Variants in TRIM2 observed in about 807,000 individuals in gnomAD.
TRIM2 encodes the protein tripartite motif-containing protein 2.
A neutral mutation model predicts 75.2 loss-of-function variants in TRIM2; 20 were observed. The ratio of observed to expected loss-of-function variants is 0.27; its 90% CI spans 0.19 to 0.39. The LOEUF is 0.39. TRIM2 is among the 10% of genes least tolerant of loss of function. The pLI is 1.00. For missense variants in TRIM2, 660 were observed against 990.8 expected, an observed-to-expected ratio of 0.67 and a Z score of 4.48; for synonymous variants, 373 against 388.3, an observed-to-expected ratio of 0.96 and a Z score of 0.46.
intron 6 of TRIM2, chr4:153,308,149 T>A: frequency 8.3e-7 from 1 of 1,201,496 alleles, no homozygotes; most frequent in Non-Finnish European, 1.2e-6. Context: ...TCAGTTCCTT[T>A]CCTCTTCACC....
Position 153,339,182 on chromosome 4 carries a change from C to A in TRIM2, c.*4216C>A. The A allele has an allele frequency of 1.0e-6, 1 of 985,802 alleles. No homozygotes were observed. The highest frequency in any genetic ancestry group is 1.2e-6 in the Non-Finnish European group (1 of 829,898). 61.1% of individuals were successfully genotyped at this position (985,802 alleles called of 1,614,324 possible). A position where few individuals can be genotyped will look rare whatever the true frequency, so the allele number is the denominator to read the frequency against. On this transcript the variant is annotated 3_prime_UTR_variant, in exon 12 of 12. Transcript: ENST00000338700. ...TATGTTCGTAGCTACATACGTACCA[C>A]AGTATTTTGGATGCTTTAGTCTACA...
At chr4:153,297,687 C>T (rs566642215) in intron 6 of TRIM2, among the ~76,000 whole-genome samples, 19 of 152,286 alleles carry the variant, frequency 1.2e-4, no homozygotes, top group African/African-American at 4.6e-4. Flanking sequence ...AGTCTACTCC[C>T]CTAGGCCATG....
chr4:153,300,669 C>T (rs1283855548), intron 6 of TRIM2, among the ~76,000 whole-genome samples: 1 of 151,988 alleles, frequency 6.6e-6, no homozygotes, highest in Non-Finnish European at 1.5e-5. Flanking sequence ...AGACTACAGG[C>T]ACGCACTAGC....
chr4:153,285,701 C>G (rs1760453332), intron 3 of TRIM2, among the ~76,000 whole-genome samples: 1 of 151,886 alleles, frequency 6.6e-6, no homozygotes, highest in South Asian at 2.1e-4. Flanking sequence ...GTTTGTTAAT[C>G]TTGTATCCTG....
Position 153,295,738 on chromosome 4 carries a change from A to C in TRIM2, c.1212A>C (p.Ala404=), listed in dbSNP as rs1203709630. 6.2e-7 allele frequency: 1 copy of C among 1,613,942 alleles called. No homozygotes were observed. The highest frequency in any genetic ancestry group is 8.5e-7 in the Non-Finnish European group (1 of 1,179,976). Residue 404 remains alanine (A), a synonymous_variant, in exon 6 of 12, where the codon GCA becomes GCC. Transcript: ENST00000338700. The surrounding 1 kb of genome is among the most constrained non-coding windows in gnomAD (Gnocchi z 7.2). ...AELSTPDGSV[A]DGEILDNKNG... ...TGAGCACCCCCGACGGGAGCGTGGCAGACGGGGAGATCCTGGACAACAAGA... is the reference window on the plus strand; with the variant it reads ...TGAGCACCCCCGACGGGAGCGTGGCCGACGGGGAGATCCTGGACAACAAGA...
intron 1 of TRIM2, among the ~76,000 whole-genome samples, chr4:153,239,317 A>G (rs1227950693): frequency 6.7e-6 from 1 of 149,716 alleles, no homozygotes; most frequent in East Asian, 2.0e-4. Flanking sequence ...GTGCCACTGC[A>G]CTCCAGCCTA....
intron 1 of TRIM2, among the ~76,000 whole-genome samples, chr4:153,236,597 C>T (rs4696174): frequency 0.99 from 151,496 of 152,324 alleles, 75,338 homozygotes; most frequent in Middle Eastern, 1. Context: ...GTCCTTTATA[C>T]AGCAGTTTCT....
At chr4:153,303,555 T>A (rs1764383349) in intron 6 of TRIM2, among the ~76,000 whole-genome samples, 1 of 152,164 alleles carries the variant, frequency 6.6e-6, no homozygotes, top group Admixed American at 6.5e-5. Flanking sequence ...AGAACATTTA[T>A]GAATTGAATA....
chr4:153,306,698 A>G (rs1310095114), intron 6 of TRIM2, among the ~76,000 whole-genome samples: 1 of 152,234 alleles, frequency 6.6e-6, no homozygotes, highest in African/African-American at 2.4e-5. Context: ...ATAACCCTAC[A>G]GCATCATATT....
intron 1 of TRIM2, among the ~76,000 whole-genome samples, chr4:153,190,006 T>C (rs949619687): frequency 2.6e-5 from 4 of 152,186 alleles, no homozygotes; most frequent in Admixed American, 2.0e-4. Flanking sequence ...ATCAAATCCA[T>C]CTTGGAAGGG....
intron 6 of TRIM2, among the ~76,000 whole-genome samples, chr4:153,300,830 T>C (rs1763741201): frequency 6.6e-6 from 1 of 152,134 alleles, no homozygotes; most frequent in African/African-American, 2.4e-5. Flanking sequence ...CATTTGTATG[T>C]CTTCTTTTGA....
intron 11 of TRIM2, 113 bp from the exon 12 acceptor site, chr4:153,334,701 G>C: frequency 9.3e-7 from 1 of 1,072,770 alleles, no homozygotes. Flanking sequence ...GTGAGACCCT[G>C]TCAAAAAGAA....
intron 1 of TRIM2, among the ~76,000 whole-genome samples, chr4:153,261,731 G>T (rs1264222707): frequency 6.6e-6 from 1 of 152,152 alleles, no homozygotes; most frequent in African/African-American, 2.4e-5. Flanking sequence ...CTTTCTTCCT[G>T]CTCTTACTCA....
At chr4:153,293,815 T>G (rs931280760) in intron 4 of TRIM2, among the ~76,000 whole-genome samples, 1 of 152,178 alleles carries the variant, frequency 6.6e-6, no homozygotes, top group Non-Finnish European at 1.5e-5. Context: ...GTGGCTAGGG[T>G]AAAAGATACA....
intron 1 of TRIM2, among the ~76,000 whole-genome samples, chr4:153,162,669 T>C (rs1312514266): frequency 6.6e-6 from 1 of 152,182 alleles, no homozygotes; most frequent in African/African-American, 2.4e-5. Flanking sequence ...GCCATTACAA[T>C]GAGTGAATGA....
intron 6 of TRIM2, among the ~76,000 whole-genome samples, chr4:153,298,666 T>C (rs978949552): frequency 1.3e-5 from 2 of 152,170 alleles, no homozygotes; most frequent in Non-Finnish European, 2.9e-5. Context: ...ACCTCACATA[T>C]TGATCAATTT....
chr4:153,283,030 C>T (rs1283469321), intron 3 of TRIM2, among the ~76,000 whole-genome samples: 1 of 152,132 alleles, frequency 6.6e-6, no homozygotes, highest in African/African-American at 2.4e-5. Context: ...GATCCTCCTG[C>T]CTGGACCTCC....
intron 10 of TRIM2, among the ~76,000 whole-genome samples, chr4:153,326,853 C>T (rs527451438): frequency 1.3e-5 from 2 of 151,982 alleles, no homozygotes; most frequent in Non-Finnish European, 2.9e-5. Context: ...TGGTGGTGGG[C>T]GCCTGTAACC....
chr4:153,158,359 G>C (rs924244268), intron 1 of TRIM2, among the ~76,000 whole-genome samples: 7 of 152,152 alleles, frequency 4.6e-5, no homozygotes, highest in African/African-American at 1.7e-4. Flanking sequence ...ACTATAATTG[G>C]TTTGTAAAAA....
Sources: gnomAD v4.1 joint callset for allele counts (sites outside exome capture counted in the v4.1 genomes callset) on GRCh38, gnomAD v4.1.1 for gene constraint, Gnocchi (gnomAD v3.1) non-coding constraint, MANE v1.5 for transcripts, NCBI Gene and HGNC (gene_info 2026-07-23, HGNC 2026-07-21) for gene names.